KLHL14: variants seen among roughly 807,000 people sequenced by gnomAD.
The protein encoded by KLHL14 is kelch-like protein 14.
Under a neutral mutation model 64.3 loss-of-function variants are expected in KLHL14, and 22 were observed. That is an observed-to-expected ratio of 0.34 (90% confidence interval 0.24 to 0.49). The LOEUF is 0.49. KLHL14 is among the 20% of genes least tolerant of loss of function. The pLI is 0.99. For synonymous variants in KLHL14, 322 were observed against 333.4 expected, an observed-to-expected ratio of 0.97 and a Z score of 0.37; for missense variants, 661 against 789.0, an observed-to-expected ratio of 0.84 and a Z score of 1.94.
In KLHL14 at chr18:32,693,377, TACACAC is replaced by T. The variant is rs869067364; in HGVS notation, c.1159+2080_1159+2085del. On this transcript the variant is annotated intron_variant, in intron 4 of 8. Coordinates refer to ENST00000359358, the MANE Select transcript of KLHL14 (RefSeq NM_020805.3). ...CTTCCAAAATTCTAAAAAGGGATCT[TACACAC>T]ACACACACACACACACACACACACA... is the stretch of plus-strand genomic sequence containing the variant. 3.1e-3 allele frequency among the ~76,000 whole-genome samples: 298 copies of T among 96,626 alleles called. 2 individuals carry two copies. Among genetic ancestry groups the T allele is most frequent in the African/African-American group, 0.015 (277 of 18,778 alleles). 63.4% of individuals were successfully genotyped at this position (96,626 alleles called of 152,430 possible). A position where few individuals can be genotyped will look rare whatever the true frequency, so the allele number is the denominator to read the frequency against.
intron 4 of KLHL14, among the ~76,000 whole-genome samples, chr18:32,690,392 C>G (rs1209925481): frequency 6.6e-6 from 1 of 152,126 alleles, no homozygotes; most frequent in Non-Finnish European, 1.5e-5. Flanking sequence ...TATACACTGG[C>G]TCCCGTTAGA....
chr18:32,678,486 C>T (rs1185826310), intron 7 of KLHL14, among the ~76,000 whole-genome samples: 1 of 152,154 alleles, frequency 6.6e-6, no homozygotes, highest in Non-Finnish European at 1.5e-5. Context: ...GTACTCACTG[C>T]AACACCAGAG....
chr18:32,768,665 A>C (rs2050359800), intron 2 of KLHL14, among the ~76,000 whole-genome samples: 1 of 152,204 alleles, frequency 6.6e-6, no homozygotes, highest in Non-Finnish European at 1.5e-5. Context: ...AGGGCTCATT[A>C]AAAATGGTTT....
chr18:32,737,893 GA>G (rs1435325709), intron 3 of KLHL14: 2 of 152,134 alleles, frequency 1.3e-5, no homozygotes, highest in African/African-American at 4.8e-5. Context: ...GTTATCAAGA[GA>G]AGGAACACGA....
intron 2 of KLHL14, among the ~76,000 whole-genome samples, chr18:32,762,114 A>T (rs1206846354): frequency 1.3e-5 from 2 of 152,112 alleles, no homozygotes; most frequent in Admixed American, 1.3e-4. Context: ...AACAACAAAA[A>T]ATCTTATTAA....
At position 32,700,468 on chromosome 18, in the gene KLHL14, C is replaced by T. The variant is rs1342793001; in HGVS notation, c.1070-4916G>A. 2.6e-5 allele frequency among the ~76,000 whole-genome samples: 4 copies of T among 152,308 alleles called. No individual in the cohort carries two copies. The East Asian group carries it at 7.7e-4, about 29-fold the overall frequency. On this transcript the variant is annotated intron_variant, in intron 3 of 8. Transcript: ENST00000359358. ...CAGTTCTCTACCACAGAGGCAATCT[C>T]TGCTACTGTGTTCTCGGGTTTTCTT...
chr18:32,708,662 A>G (rs904646240), intron 3 of KLHL14, among the ~76,000 whole-genome samples: 1 of 152,212 alleles, frequency 6.6e-6, no homozygotes, highest in Non-Finnish European at 1.5e-5. Context: ...CAGCAGTAGA[A>G]TGTGAGTGAC....
chr18:32,754,925 TAAAAG>T (rs1415727321), intron 2 of KLHL14, among the ~76,000 whole-genome samples: 1 of 152,078 alleles, frequency 6.6e-6, no homozygotes, highest in African/African-American at 2.4e-5. Flanking sequence ...GGGGCAAAGA[TAAAAG>T]AAGAAGGTTA....
chr18:32,732,171 T>C (rs2050140312), intron 3 of KLHL14, among the ~76,000 whole-genome samples: 2 of 151,822 alleles, frequency 1.3e-5, no homozygotes, highest in Admixed American at 6.6e-5. Flanking sequence ...TTGCAGTGAG[T>C]TGAGATTGTG....
At chr18:32,682,061 A>C (rs148215175) in intron 5 of KLHL14, among the ~76,000 whole-genome samples, 1 of 152,198 alleles carries the variant, frequency 6.6e-6, no homozygotes, top group African/African-American at 2.4e-5. Flanking sequence ...GTCAATTAAT[A>C]TTATCTGGAT....
chr18:32,762,598 G>A (rs936373703), intron 2 of KLHL14, among the ~76,000 whole-genome samples: 11 of 151,942 alleles, frequency 7.2e-5, no homozygotes, highest in Non-Finnish European at 1.6e-4. Context: ...TATTATTTGT[G>A]AAGAGATAAA....
chr18:32,736,582 C>A (rs1264386533), intron 3 of KLHL14, among the ~76,000 whole-genome samples: 9 of 152,034 alleles, frequency 5.9e-5, no homozygotes, highest in African/African-American at 2.2e-4. Flanking sequence ...AATTCTTGAA[C>A]CTGTCTTGAT....
chr18:32,734,145 T>C (rs1014004989), intron 3 of KLHL14: 13 of 702,670 alleles, frequency 1.9e-5, no homozygotes, highest in Non-Finnish European at 3.1e-5. Flanking sequence ...ATAATTATGA[T>C]AGTCACATTG....
At chr18:32,741,498 A>G (rs2144530047) in intron 3 of KLHL14, among the ~76,000 whole-genome samples, 1 of 152,358 alleles carries the variant, frequency 6.6e-6, no homozygotes, top group East Asian at 1.9e-4. Flanking sequence ...TTAATGAGCA[A>G]AAATGCCTAA....
chr18:32,752,980 TGTGTGTGTG>T (rs2050264109), intron 2 of KLHL14, among the ~76,000 whole-genome samples: 2 of 151,494 alleles, frequency 1.3e-5, no homozygotes, highest in South Asian at 4.2e-4. Context: ...TGTGTGTGTG[TGTGTGTGTG>T]TGTGTGTCTT....
chr18:32,688,561 A>C (rs2049891386), intron 4 of KLHL14, among the ~76,000 whole-genome samples: 1 of 152,236 alleles, frequency 6.6e-6, no homozygotes. Context: ...CAAGCCATGC[A>C]AATATCTGCA....
intron 3 of KLHL14, among the ~76,000 whole-genome samples, chr18:32,702,543 A>C (rs1056188211): frequency 6.6e-6 from 1 of 151,828 alleles, no homozygotes; most frequent in African/African-American, 2.4e-5. Flanking sequence ...ACACATTAGG[A>C]AGGGCTTGAT....
intron 5 of KLHL14, 91 bp downstream of exon 5, chr18:32,687,064 T>C (rs2049882858): frequency 1.9e-6 from 2 of 1,058,486 alleles, no homozygotes; most frequent in South Asian, 1.3e-5. Flanking sequence ...ATTGACTCTA[T>C]TTAGCATTCC....
intron 2 of KLHL14, among the ~76,000 whole-genome samples, chr18:32,758,628 C>T (rs1236598476): frequency 6.6e-6 from 1 of 152,020 alleles, no homozygotes; most frequent in Admixed American, 6.5e-5. Flanking sequence ...TATGTCCATA[C>T]AAAAAACTTG....
Sources: gnomAD v4.1 joint callset for allele counts (sites outside exome capture counted in the v4.1 genomes callset) on GRCh38, gnomAD v4.1.1 for gene constraint, MANE v1.5 for transcripts, NCBI Gene and HGNC (gene_info 2026-07-23, HGNC 2026-07-21) for gene names.